Variants in CDH13 observed in about 807,000 individuals in gnomAD.
CDH13 encodes the protein cadherin-13.
CDH13 carries 24 observed loss-of-function variants against 63.8 expected under a neutral mutation model. The observed-to-expected ratio is 0.38, with a 90% CI of 0.27 to 0.53. The LOEUF (loss-of-function observed/expected upper bound fraction) is 0.53, where lower values mean the gene tolerates loss of function less well. CDH13 is among the 20% of genes least tolerant of loss of function. CDH13 has a pLI of 0.85. For synonymous variants in CDH13, 503 were observed against 355.3 expected, an observed-to-expected ratio of 1.42 and a Z score of -4.67; for missense variants, 1,049 against 903.1, an observed-to-expected ratio of 1.16 and a Z score of -2.07.
intron 5 of CDH13, among the ~76,000 whole-genome samples, chr16:83,221,908 TA>T (rs1199930258): frequency 6.6e-6 from 1 of 152,166 alleles, no homozygotes; most frequent in Non-Finnish European, 1.5e-5. Context: ...ATCCCTGACA[TA>T]CACAGACCTA....
At chr16:83,075,984 G>A (rs1409160690) in intron 3 of CDH13, among the ~76,000 whole-genome samples, 3 of 152,168 alleles carry the variant, frequency 2.0e-5, no homozygotes, top group Non-Finnish European at 4.4e-5. Flanking sequence ...AGGAATGAGA[G>A]GGGAAAATAA....
chr16:82,702,936 T>C (rs1351807882), intron 1 of CDH13, among the ~76,000 whole-genome samples: 1 of 152,118 alleles, frequency 6.6e-6, no homozygotes, highest in Non-Finnish European at 1.5e-5. Flanking sequence ...TGAAGTAAGC[T>C]CCCTGTGTGC....
intron 6 of CDH13, among the ~76,000 whole-genome samples, chr16:83,366,626 G>T (rs569371158): frequency 6.6e-6 from 1 of 152,300 alleles, no homozygotes; most frequent in East Asian, 1.9e-4. Flanking sequence ...GCTTGTACAA[G>T]CTTTTCGATA....
At chr16:83,672,788 A>G (rs1165549067) in intron 9 of CDH13, among the ~76,000 whole-genome samples, 1 of 152,146 alleles carries the variant, frequency 6.6e-6, no homozygotes, top group Non-Finnish European at 1.5e-5. Flanking sequence ...GGGAGGCCTG[A>G]GCTCCAGGAT....
At chr16:83,667,087 TGATGGATGGATGGATG>T (rs5818464) in intron 8 of CDH13, among the ~76,000 whole-genome samples, 13 of 144,818 alleles carry the variant, frequency 9.0e-5, no homozygotes, top group East Asian at 2.1e-4. Flanking sequence ...GATAGATGGA[TGATGGATGGATGGATG>T]GATGGATGGA....
At chr16:83,242,262 A>G (rs761592952) in intron 5 of CDH13, among the ~76,000 whole-genome samples, 1 of 152,236 alleles carries the variant, frequency 6.6e-6, no homozygotes, top group Non-Finnish European at 1.5e-5. Context: ...AGGAAGTACG[A>G]GGACTCCAGG....
chr16:83,184,089 AACACACACAC>A (rs10656475), intron 4 of CDH13, among the ~76,000 whole-genome samples: 65 of 131,618 alleles, frequency 4.9e-4, no homozygotes, highest in Non-Finnish European at 7.3e-4. Flanking sequence ...CTAGAGGTTA[AACACACACAC>A]ACACACACAC....
At chr16:83,654,824 C>T (rs1343368946) in intron 8 of CDH13, 3 of 152,210 alleles carry the variant, frequency 2.0e-5, no homozygotes, top group Admixed American at 1.3e-4. Flanking sequence ...TTCCCACCAA[C>T]CCTATGACTC....
chr16:83,196,677 T>C (rs1006576535), intron 4 of CDH13, among the ~76,000 whole-genome samples: 2 of 152,092 alleles, frequency 1.3e-5, no homozygotes, highest in African/African-American at 4.8e-5. Context: ...GCAAATAAGC[T>C]CATGAACAAA....
At position 83,388,018 on chromosome 16, in the gene CDH13, C is replaced by T. The variant is rs74034050; in HGVS notation, c.781+43012C>T. On this transcript the variant is annotated intron_variant, in intron 6 of 13. Coordinates refer to ENST00000567109, the MANE Select transcript of CDH13 (RefSeq NM_001257.5). ...TATAGACTCATTGGGTTTCAGTTAT[C>T]AGGACTGGGGTAAAAGACCTCCTAG... Among the ~76,000 whole-genome samples, 1,168 of 152,200 alleles carry T rather than the reference C, an allele frequency of 7.7e-3. 13 individuals are homozygous for T. Among genetic ancestry groups the T allele is most frequent in the African/African-American group, 0.027 (1,127 of 41,510 alleles).
intron 7 of CDH13, among the ~76,000 whole-genome samples, chr16:83,512,529 G>A (rs901695087): frequency 1.5e-4 from 23 of 150,524 alleles, no homozygotes; most frequent in Non-Finnish European, 3.0e-4. Context: ...TTAGCCAGGT[G>A]TGGTGGCATG....
At chr16:83,311,247 G>C (rs1348307398) in intron 5 of CDH13, among the ~76,000 whole-genome samples, 1 of 151,978 alleles carries the variant, frequency 6.6e-6, no homozygotes, top group African/African-American at 2.4e-5. Flanking sequence ...ACCTCCTTTG[G>C]GGCTTGGAGC....
intron 10 of CDH13, among the ~76,000 whole-genome samples, chr16:83,729,974 G>T (rs1159924656): frequency 1.3e-5 from 2 of 152,212 alleles, no homozygotes; most frequent in Non-Finnish European, 2.9e-5. Flanking sequence ...CTTGTGAGAA[G>T]GGGGCAGCGA....
chr16:83,465,525 A>G (rs1163214192), intron 6 of CDH13, among the ~76,000 whole-genome samples: 1 of 152,222 alleles, frequency 6.6e-6, no homozygotes, highest in Non-Finnish European at 1.5e-5. Context: ...GGAAATTTTC[A>G]CAAGGGCTAA....
chr16:82,884,818 C>G (rs576657180), intron 2 of CDH13, among the ~76,000 whole-genome samples: 6 of 152,304 alleles, frequency 3.9e-5, no homozygotes, highest in African/African-American at 1.4e-4. Flanking sequence ...ACTTCAGCAG[C>G]CATATTATTT....
chr16:83,178,633 A>T (rs895749751), intron 4 of CDH13, among the ~76,000 whole-genome samples: 34 of 152,272 alleles, frequency 2.2e-4, no homozygotes, highest in African/African-American at 7.5e-4. Context: ...TAGCTGGTTG[A>T]TTTTATTTAA....
chr16:83,447,966 ATT>A (rs2072761280), intron 6 of CDH13, among the ~76,000 whole-genome samples: 3 of 152,094 alleles, frequency 2.0e-5, no homozygotes, highest in Admixed American at 2.0e-4. Flanking sequence ...AGGGAAAAAG[ATT>A]GCTCTGGGAG....
At chr16:83,261,811 C>T (rs905924215) in intron 5 of CDH13, among the ~76,000 whole-genome samples, 2 of 151,890 alleles carry the variant, frequency 1.3e-5, no homozygotes, top group Admixed American at 6.6e-5. Context: ...GGACACCCTG[C>T]CTTCTTGCTG....
intron 2 of CDH13, among the ~76,000 whole-genome samples, chr16:82,879,223 A>C (rs1002647261): frequency 2.6e-5 from 4 of 151,988 alleles, no homozygotes; most frequent in African/African-American, 9.7e-5. Flanking sequence ...TGCCAGCTCT[A>C]ATACTTACTA....
Sources: allele counts gnomAD v4.1 joint callset (sites outside exome capture counted in the v4.1 genomes callset), GRCh38; gene constraint gnomAD v4.1.1; transcripts MANE v1.5; gene names NCBI Gene and HGNC (gene_info 2026-07-23, HGNC 2026-07-21).